COL11A1: variants seen among roughly 807,000 people sequenced by gnomAD.
COL11A1 encodes the protein collagen type XI alpha 1 chain.
A neutral mutation model predicts 265.2 loss-of-function variants in COL11A1; 74 were observed. The observed-to-expected ratio is 0.28, with a 90% CI of 0.23 to 0.34. COL11A1 has a LOEUF of 0.34. COL11A1 is among the 10% of genes least tolerant of loss of function. The pLI is 1.00. For missense variants in COL11A1, 2,165 were observed against 2,263.6 expected, an observed-to-expected ratio of 0.96 and a Z score of 0.88; for synonymous variants, 816 against 727.6, an observed-to-expected ratio of 1.12 and a Z score of -1.96.
intron 1 of COL11A1, among the ~76,000 whole-genome samples, chr1:103,098,984 C>T (rs11164670): frequency 0.032 from 4,823 of 151,744 alleles, 245 homozygotes; most frequent in African/African-American, 0.11. Flanking sequence ...AGGTGATACA[C>T]ATAGCTATAT....
chr1:102,955,784 T>G (rs1293819880), intron 41 of COL11A1, among the ~76,000 whole-genome samples: 1 of 152,116 alleles, frequency 6.6e-6, no homozygotes, highest in Non-Finnish European at 1.5e-5. Context: ...TAGAAAACAT[T>G]TACTCAGTTT....
rs1665841583 is a variant in COL11A1, at chr1:103,008,614, A to G, written c.1630-98T>C. The G allele has an allele frequency of 2.9e-6, 3 of 1,038,820 alleles. No individual in the cohort carries two copies. In the Admixed American group the frequency reaches 5.2e-5, roughly 18 times the overall value. 64.4% of individuals were successfully genotyped at this position (1,038,820 alleles called of 1,614,324 possible). ...CTGAAATAATTAAACATTATTCAAA[A>G]TATATTTAATCATATTAGCATTAAC... On this transcript the variant is annotated intron_variant, in intron 14 of 66. Transcript: ENST00000370096.
chr1:102,985,934 T>G (rs970167550), intron 30 of COL11A1, among the ~76,000 whole-genome samples: 1 of 152,126 alleles, frequency 6.6e-6, no homozygotes, highest in South Asian at 2.1e-4. Flanking sequence ...CAATGTTTTT[T>G]CAAAGTGTGA....
chr1:102,966,626 T>C (rs1367023648), intron 37 of COL11A1, among the ~76,000 whole-genome samples: 1 of 152,186 alleles, frequency 6.6e-6, no homozygotes. Flanking sequence ...AAAATTTATT[T>C]AGCATTTTAT....
At chr1:102,906,974 C>T (rs969584823) in intron 54 of COL11A1, among the ~76,000 whole-genome samples, 9 of 152,056 alleles carry the variant, frequency 5.9e-5, no homozygotes, top group Admixed American at 1.3e-4. Context: ...ATTAAGCATG[C>T]CAGTTTATCC....
chr1:102,965,154 G>T (rs1257784848), intron 38 of COL11A1, among the ~76,000 whole-genome samples: 3 of 152,002 alleles, frequency 2.0e-5, no homozygotes, highest in Non-Finnish European at 4.4e-5. Context: ...AAAAGATAAT[G>T]GCCCACCTAT....
Position 102,949,885 on chromosome 1 carries a change from G to T in COL11A1, c.3169-2929C>A, listed in dbSNP as rs1465374463. Among the ~76,000 whole-genome samples, 4 of 152,148 alleles carry T rather than the reference G, an allele frequency of 2.6e-5. No individual in the cohort carries two copies. In the East Asian group the frequency reaches 5.8e-4, roughly 22 times the overall value. On this transcript the variant is annotated intron_variant, in intron 41 of 66. Transcript: ENST00000370096. ...AACAAGCTCATTTTGGTTGAACATTGTGTAAAACAAACAAAAAACTTAAAG... is the reference window on the plus strand; with the variant it reads ...AACAAGCTCATTTTGGTTGAACATTTTGTAAAACAAACAAAAAACTTAAAG...
At chr1:102,914,538 T>A (rs1655077274) in intron 51 of COL11A1, 133 bp from the exon 52 acceptor site, 1 of 1,056,466 alleles carries the variant, frequency 9.5e-7, no homozygotes, top group South Asian at 1.5e-5. Flanking sequence ...CGCCAAAAAA[T>A]TTCTAAAGAA....
chr1:102,892,894 AAGG>A (rs1318196899), intron 57 of COL11A1, among the ~76,000 whole-genome samples: 11 of 152,176 alleles, frequency 7.2e-5, no homozygotes, highest in Non-Finnish European at 1.6e-4. Context: ...ATCTTCTAAT[AAGG>A]AGAAAATTAC....
chr1:102,966,223 T>A (rs922921347), intron 37 of COL11A1, among the ~76,000 whole-genome samples: 1 of 152,304 alleles, frequency 6.6e-6, no homozygotes, highest in Non-Finnish European at 1.5e-5. Flanking sequence ...TCCACATAAT[T>A]GTGTGAATAT....
chr1:102,951,015 T>C (rs1659821644), intron 41 of COL11A1, among the ~76,000 whole-genome samples: 1 of 152,158 alleles, frequency 6.6e-6, no homozygotes, highest in Admixed American at 6.5e-5. Context: ...TCCACCATGA[T>C]TGTAAGTTTC....
chr1:103,078,130 C>T (rs973212259), intron 3 of COL11A1, among the ~76,000 whole-genome samples: 5 of 152,050 alleles, frequency 3.3e-5, no homozygotes, highest in African/African-American at 1.2e-4. Context: ...AAAGTGCTTA[C>T]GACCTCCTAC....
At chr1:102,936,438 G>C (rs1658154586) in intron 44 of COL11A1, among the ~76,000 whole-genome samples, 1 of 152,020 alleles carries the variant, frequency 6.6e-6, no homozygotes, top group Non-Finnish European at 1.5e-5. Context: ...ATTATAAATA[G>C]TAAGTATGAT....
At chr1:103,037,487 A>G (rs1322298906) in intron 4 of COL11A1, among the ~76,000 whole-genome samples, 2 of 152,122 alleles carry the variant, frequency 1.3e-5, no homozygotes, top group Admixed American at 1.3e-4. Flanking sequence ...GCCTCTAGAG[A>G]ATGAGCAATG....
chr1:102,904,936 C>T lies in COL11A1; in HGVS notation c.4087-5942G>A, dbSNP rs1223046924. On this transcript the variant is annotated intron_variant, in intron 54 of 66. Coordinates refer to ENST00000370096, the MANE Select transcript of COL11A1 (RefSeq NM_001854.4). ...GACACATGCACACATATGTTTATAG[C>T]GGCACTATTCACAATAGCAAAGACT... is the stretch of plus-strand genomic sequence containing the variant. 3.4e-4 allele frequency among the ~76,000 whole-genome samples: 52 copies of T among 151,874 alleles called. 1 individual carries two copies. The highest frequency in any genetic ancestry group is 3.0e-3 in the Admixed American group (45 of 15,234).
chr1:103,001,573 C>G, intron 24 of COL11A1: 1 of 459,180 alleles, frequency 2.2e-6, no homozygotes. Context: ...TCCTACAAAT[C>G]TTTTGTCACA....
At position 102,877,859 on chromosome 1, in the gene COL11A1, G is replaced by C. The variant is rs1207261478; in HGVS notation, c.*160C>G. Reference sequence around the variant, plus strand: ...ATGATTTTCAAAGCTTTTGCCATGTGATTCTGCCCCCACAAAGGCATCGGT... The same window carrying C: ...ATGATTTTCAAAGCTTTTGCCATGTCATTCTGCCCCCACAAAGGCATCGGT... On this transcript the variant is annotated 3_prime_UTR_variant, in exon 67 of 67. Transcript: ENST00000370096. The C allele has an allele frequency of 1.5e-6, 1 of 664,228 alleles. No homozygotes were observed. Among genetic ancestry groups the C allele is most frequent in the Non-Finnish European group, 2.6e-6 (1 of 379,376 alleles). 41.1% of individuals were successfully genotyped at this position (664,228 alleles called of 1,614,324 possible).
In COL11A1 at chr1:103,031,249, G is replaced by GAAAAAAAAAAAA; in HGVS notation, c.652-17_652-6dup. ...CAAAAACTGCTGAATGTCCCCCTGG[G>GAAAAAAAAAAAA]AAAAAAAAAAAAACAAAAACAAACA... On this transcript the variant is annotated splice_polypyrimidine_tract_variant and splice_region_variant and intron_variant, in intron 4 of 66. Transcript: ENST00000370096. 1.5e-6 allele frequency: 2 copies of GAAAAAAAAAAAA among 1,363,306 alleles called. No individual in the cohort carries two copies. The highest frequency in any genetic ancestry group is 1.9e-5 in the Admixed American group (1 of 51,756). The allele number at this position is 1,363,306 out of a possible 1,614,324, so 84.5% of individuals were successfully genotyped here.
At chr1:103,012,825 C>T (rs1666238025) in intron 13 of COL11A1, among the ~76,000 whole-genome samples, 1 of 151,960 alleles carries the variant, frequency 6.6e-6, no homozygotes, top group Admixed American at 6.6e-5. Context: ...TGTGTAGGCA[C>T]AATTTGAGAG....
Sources: allele counts gnomAD v4.1 joint callset (sites outside exome capture counted in the v4.1 genomes callset), GRCh38; gene constraint gnomAD v4.1.1; transcripts MANE v1.5; gene names NCBI Gene and HGNC (gene_info 2026-07-23, HGNC 2026-07-21).